Variants in OR2T11 observed in about 807,000 individuals in gnomAD.
The protein encoded by OR2T11 is olfactory receptor 2T11.
A neutral mutation model predicts 13.5 loss-of-function variants in OR2T11; 14 were observed. That is an observed-to-expected ratio of 1.04 (90% CI 0.69 to 1.62). The LOEUF (loss-of-function observed/expected upper bound fraction) is 1.62. Ranked by LOEUF, OR2T11 falls within the 40% of genes most tolerant of loss-of-function variation. The probability of loss-of-function intolerance (pLI) is 0.00; values close to 1 mark genes in which losing one functional copy is unlikely to be tolerated. For synonymous variants in OR2T11, 163 were observed against 154.6 expected (o/e 1.05, Z -0.40); for missense variants, 410 against 389.7 (o/e 1.05, Z -0.44).
Position 248,624,042 on chromosome 1 carries a change from A to ACGCT in OR2T11, c.*2132_*2135dup, listed in dbSNP as rs1290044215. The ACGCT allele has an allele frequency of 3.5e-5, 5 of 140,854 alleles. No individual in the cohort carries two copies. The highest frequency in any genetic ancestry group is 6.1e-5 in the Non-Finnish European group (4 of 65,662). The allele number at this position is 140,854 out of a possible 1,614,324, so 8.7% of individuals were successfully genotyped here. On this transcript the variant is annotated 3_prime_UTR_variant, in exon 2 of 2. Transcript: ENST00000641193. ...TCGGAAGGGATCTTAGTTATAACAC[A>ACGCT]CGCTCTGCCTGACCTCCTGCTATTG... is the stretch of plus-strand genomic sequence containing the variant.
In OR2T11 at chr1:248,627,868, C is replaced by T. The variant is rs139090322; in HGVS notation, c.-144-596G>A. On this transcript the variant is annotated intron_variant, in intron 1 of 1. Coordinates refer to ENST00000641193, the MANE Select transcript of OR2T11 (RefSeq NM_001001964.2). ...CTGTTTATGTCTAAAGTTGGGACTC[C>T]TCACTGTTCTTTGTGCTGTTTTGCT... is the stretch of plus-strand genomic sequence containing the variant. Among the ~76,000 whole-genome samples the T allele has an allele frequency of 6.4e-3, 914 of 143,468 alleles. 192 individuals carry two copies. The highest frequency in any genetic ancestry group is 0.024 in the African/African-American group (881 of 36,352). The allele number at this position is 143,468 out of a possible 152,430, so 94.1% of individuals were successfully genotyped here. A position where few individuals can be genotyped will look rare whatever the true frequency, so the allele number is the denominator to read the frequency against.
rs189090137 is a variant in OR2T11, at chr1:248,627,024, G to A, written c.105C>T (p.Ala35=). The A allele has an allele frequency of 4.7e-5, 73 of 1,569,256 alleles. 6 individuals are homozygous for A. The East Asian group carries it at 6.0e-4, about 13-fold the overall frequency. ...ATATCATGACCAAATTTGCAGTCAC[G>A]GCCCCCAAGAAAACAGCAAGGATCA... ...FTVILAVFLG[A]VTANLVMIFL... is the part of the protein sequence containing the mutation. The change falls in exon 2 of 2, where the codon GCC becomes GCT. Residue 35 remains alanine (A), a synonymous_variant. Coordinates refer to ENST00000641193, the MANE Select transcript of OR2T11 (RefSeq NM_001001964.2).
chr1:248,627,002 T>TCA lies in OR2T11; in HGVS notation c.125_126dup (p.Ile43Ter), dbSNP rs1368073737. The stretch of plus-strand genomic sequence containing the variant: ...CGAGAGTCCACCTGAATCAAGAATA[T>TCA]CATGACCAAATTTGCAGTCACGGCC... On this transcript the variant is annotated frameshift_variant, in exon 2 of 2. Coordinates refer to ENST00000641193, the MANE Select transcript of OR2T11 (RefSeq NM_001001964.2). LOFTEE classifies it high-confidence loss of function. The TCA allele has an allele frequency of 6.4e-7, 1 of 1,569,760 alleles. No homozygotes were observed. Among genetic ancestry groups the TCA allele is most frequent in the African/African-American group, 1.5e-5 (1 of 66,078 alleles).
chr1:248,629,230 G>C (rs888884454), intron 1 of OR2T11, among the ~76,000 whole-genome samples: 1 of 141,670 alleles, frequency 7.1e-6, no homozygotes, highest in Admixed American at 6.9e-5. Flanking sequence ...AACAGAGCTC[G>C]TCTTTATAAA....
At chr1:248,631,099 A>G (rs547491752) in intron 1 of OR2T11, among the ~76,000 whole-genome samples, 2 of 143,320 alleles carry the variant, frequency 1.4e-5, no homozygotes, top group Admixed American at 6.8e-5. Flanking sequence ...AAAAGTAGGT[A>G]GCCTTCCCAA....
In OR2T11 at chr1:248,624,079, G is replaced by A. The variant is rs1226899724; in HGVS notation, c.*2099C>T. On this transcript the variant is annotated 3_prime_UTR_variant, in exon 2 of 2. Coordinates refer to ENST00000641193, the MANE Select transcript of OR2T11 (RefSeq NM_001001964.2). ...ACCTCCTGCTATTGTCACTGAGTTGGCCATGCTCTTACAAAAGTTCAAACT... is the reference window on the plus strand; with the variant it reads ...ACCTCCTGCTATTGTCACTGAGTTGACCATGCTCTTACAAAAGTTCAAACT... The A allele has an allele frequency of 2.1e-5, 3 of 141,650 alleles. 1 individual carries two copies. The highest frequency in any genetic ancestry group is 4.6e-5 in the Non-Finnish European group (3 of 65,906). 8.8% of individuals were successfully genotyped at this position (141,650 alleles called of 1,614,324 possible).
rs1186561715 is a variant in OR2T11 at position 248,635,048 on chromosome 1, A to AC, written c.-156dup. On this transcript the variant is annotated 5_prime_UTR_variant, in exon 1 of 2. Coordinates refer to ENST00000641193, the MANE Select transcript of OR2T11 (RefSeq NM_001001964.2). ...ATCCATATCCCTTACCTGCAGAAAGACCCCACAGGGAATCTGATTACCCCT... is the reference window on the plus strand; with the variant it reads ...ATCCATATCCCTTACCTGCAGAAAGACCCCCACAGGGAATCTGATTACCCCT... 1 of 119,200 alleles carries AC rather than the reference A, an allele frequency of 8.4e-6. No homozygotes were observed. Among genetic ancestry groups the AC allele is most frequent in the Non-Finnish European group, 1.7e-5 (1 of 57,714 alleles). 7.4% of individuals were successfully genotyped at this position (119,200 alleles called of 1,614,324 possible).
chr1:248,626,112 A>C lies in OR2T11; in HGVS notation c.*66T>G, dbSNP rs1660511530. ...GTGTAGGTTGATAGCTGAGCAGATC[A>C]TCTCCAGGGAAACAGGGCAAATGGA... On this transcript the variant is annotated 3_prime_UTR_variant, in exon 2 of 2. Transcript: ENST00000641193. 2.3e-6 allele frequency: 2 copies of C among 867,770 alleles called. No homozygotes were observed. The highest frequency in any genetic ancestry group is 3.7e-6 in the Non-Finnish European group (2 of 537,590). The allele number at this position is 867,770 out of a possible 1,614,324, so 53.8% of individuals were successfully genotyped here.
chr1:248,634,958 C>A (rs1250289749), intron 1 of OR2T11, 80 bp downstream of exon 1: 1 of 141,732 alleles, frequency 7.1e-6, no homozygotes, highest in African/African-American at 2.7e-5. Flanking sequence ...TCTTCTATTA[C>A]AATTTTATAT....
At position 248,626,597 on chromosome 1, in the gene OR2T11, T is replaced by G. The variant is rs769337761; in HGVS notation, c.532A>C (p.Ile178Leu). Residue 178 changes from isoleucine (I) to leucine (L), a missense_variant, in exon 2 of 2, where the codon ATC becomes CTC. Coordinates refer to ENST00000641193, the MANE Select transcript of OR2T11 (RefSeq NM_001001964.2). ...SRSINHFFCE[I>L]PAVLKLACAD... Reference sequence around the variant, plus strand: ...CAGGCCAGTTTCAGAACTGCTGGGATCTCACAGAAAAAATGGTTGATACTT... The same window carrying G: ...CAGGCCAGTTTCAGAACTGCTGGGAGCTCACAGAAAAAATGGTTGATACTT... 1.9e-6 allele frequency: 3 copies of G among 1,573,256 alleles called. No individual in the cohort carries two copies. The highest frequency in any genetic ancestry group is 2.3e-5 in the East Asian group (1 of 43,690).
At chr1:248,634,018 C>A (rs1424922086) in intron 1 of OR2T11, among the ~76,000 whole-genome samples, 3 of 139,028 alleles carry the variant, frequency 2.2e-5, no homozygotes, top group Non-Finnish European at 4.6e-5. Context: ...TCTAGCATCA[C>A]CCTTGACATG....
At chr1:248,628,650 G>A (rs1287914750) in intron 1 of OR2T11, among the ~76,000 whole-genome samples, 1 of 142,968 alleles carries the variant, frequency 7.0e-6, no homozygotes, top group Non-Finnish European at 1.5e-5. Flanking sequence ...GTCATATCTG[G>A]TTTCACAAAG....
chr1:248,629,593 C>T lies in OR2T11; in HGVS notation c.-144-2321G>A, dbSNP rs1431237619. ...CTCAGCACAACCATCAAAGTCACAT[C>T]GGGACCCGTGCATCCCGCCACGCCA... On this transcript the variant is annotated intron_variant, in intron 1 of 1. Transcript: ENST00000641193. 2.2e-5 allele frequency among the ~76,000 whole-genome samples: 3 copies of T among 138,704 alleles called. 1 individual carries two copies. The highest frequency in any genetic ancestry group is 2.9e-5 in the African/African-American group (1 of 34,216). 91.0% of individuals were successfully genotyped at this position (138,704 alleles called of 152,430 possible).
Position 248,626,994 on chromosome 1 carries a change from CAAG to C in OR2T11, c.132_134del (p.Phe44del). On this transcript the variant is annotated inframe_deletion, in exon 2 of 2. Transcript: ENST00000641193. ...TGTGGAGGCGAGAGTCCACCTGAAT[CAAG>C]AATATCATGACCAAATTTGCAGTCA... 6.4e-7 allele frequency: 1 copy of C among 1,571,126 alleles called. No homozygotes were observed. Among genetic ancestry groups the C allele is most frequent in the South Asian group, 1.1e-5 (1 of 88,830 alleles).
rs1207843526 is a variant in OR2T11 at position 248,625,110 on chromosome 1, A to G, written c.*1068T>C. The stretch of plus-strand genomic sequence containing the variant: ...CTACCGACAAGTTTTCCAAATATCA[A>G]TATTCCATTTTTTTATTCACTTGGG... On this transcript the variant is annotated 3_prime_UTR_variant, in exon 2 of 2. Transcript: ENST00000641193. 2.1e-5 allele frequency: 3 copies of G among 143,564 alleles called. 1 individual carries two copies. The highest frequency in any genetic ancestry group is 4.0e-4 in the East Asian group (2 of 5,000). 8.9% of individuals were successfully genotyped at this position (143,564 alleles called of 1,614,324 possible).
chr1:248,629,975 A>G lies in OR2T11; in HGVS notation c.-144-2703T>C, dbSNP rs1660581486. Among the ~76,000 whole-genome samples the G allele has an allele frequency of 1.4e-5, 2 of 140,168 alleles. 1 individual carries two copies. Among genetic ancestry groups the G allele is most frequent in the Non-Finnish European group, 3.1e-5 (2 of 65,398 alleles). 92.0% of individuals were successfully genotyped at this position (140,168 alleles called of 152,430 possible). ...CTTGTGTTTTGTGTCTCTTCAAGCT[A>G]GAAAGTAAGCTTCATGTGAATAAGG... On this transcript the variant is annotated intron_variant, in intron 1 of 1. Coordinates refer to ENST00000641193, the MANE Select transcript of OR2T11 (RefSeq NM_001001964.2).
rs1223090409 is a variant in OR2T11 at position 248,625,217 on chromosome 1, C to A, written c.*961G>T. On this transcript the variant is annotated 3_prime_UTR_variant, in exon 2 of 2. Transcript: ENST00000641193. ...ATGAGCCAAATCCTTTGTGTCCACA[C>A]CCTACACAAGCCATCCTTGTTTCTC... is the stretch of plus-strand genomic sequence containing the variant. The A allele has an allele frequency of 2.1e-5, 3 of 143,884 alleles. 1 individual carries two copies. In the East Asian group the frequency reaches 6.0e-4, roughly 29 times the overall value. 8.9% of individuals were successfully genotyped at this position (143,884 alleles called of 1,614,324 possible).
intron 1 of OR2T11, among the ~76,000 whole-genome samples, chr1:248,629,557 C>G (rs1660575128): frequency 7.1e-6 from 1 of 140,652 alleles, no homozygotes; most frequent in Admixed American, 6.9e-5. Flanking sequence ...ATGAATCCCT[C>G]CAAGTCTAGT....
rs1553272470 is a variant in OR2T11 at position 248,626,544 on chromosome 1, C to T, written c.585G>A (p.Leu195=). 1.3e-6 allele frequency: 2 copies of T among 1,568,624 alleles called. No homozygotes were observed. The highest frequency in any genetic ancestry group is 1.7e-6 in the Non-Finnish European group (2 of 1,152,718). The change falls in exon 2 of 2, where the codon CTG becomes CTA. Residue 195 remains leucine, a synonymous_variant. Transcript: ENST00000641193. ...ACADTSLYET[L]MYICCVLMLL... is the part of the protein sequence containing the mutation. ...ACATGAGGACACAGCAGATGTACAT[C>T]AGAGTTTCATACAAGGACGTGTCTG...
Sources: gnomAD v4.1 joint callset for allele counts (sites outside exome capture counted in the v4.1 genomes callset) on GRCh38, gnomAD v4.1.1 for gene constraint, MANE v1.5 for transcripts, NCBI Gene and HGNC (gene_info 2026-07-23, HGNC 2026-07-21) for gene names.